Variants in ATP8A2 observed in about 807,000 individuals in gnomAD.
ATP8A2 encodes the protein ATPase phospholipid transporting 8A2.
In ATP8A2, 100 loss-of-function variants were observed where a neutral mutation model predicts 165.6. The ratio of observed to expected loss-of-function variants is 0.60; its 90% CI spans 0.51 to 0.71. The LOEUF is 0.71. Ranked by LOEUF, ATP8A2 falls within the 30% of genes least tolerant of loss-of-function variation. The pLI is 0.00. For synonymous variants in ATP8A2, 543 were observed against 548.8 expected (o/e 0.99, Z 0.15); for missense variants, 1,227 against 1,479.5 (o/e 0.83, Z 2.80).
chr13:25,529,348 G>C (rs17795369), intron 2 of ATP8A2, among the ~76,000 whole-genome samples: 18,320 of 152,120 alleles, frequency 0.12, 1,336 homozygotes, highest in Non-Finnish European at 0.18. Flanking sequence ...CATTCTTGTC[G>C]TTCCCATAAT....
intron 2 of ATP8A2, among the ~76,000 whole-genome samples, chr13:25,477,069 C>T (rs2036015886): frequency 6.6e-6 from 1 of 152,066 alleles, no homozygotes; most frequent in Admixed American, 6.6e-5. Context: ...AGCATTGGGC[C>T]AGTTTTATAT....
intron 24 of ATP8A2, among the ~76,000 whole-genome samples, chr13:25,634,185 C>T (rs920652921): frequency 2.6e-5 from 4 of 152,068 alleles, no homozygotes; most frequent in Admixed American, 1.3e-4. Flanking sequence ...TCTCTACTTC[C>T]GGTTAACAGC....
intron 24 of ATP8A2, among the ~76,000 whole-genome samples, chr13:25,616,265 C>T (rs576873903): frequency 1.1e-4 from 17 of 151,564 alleles, no homozygotes; most frequent in Middle Eastern, 3.2e-3. Flanking sequence ...TGCATAAATA[C>T]GAATCTTTTC....
At chr13:25,840,815 G>A (rs1480625139) in intron 30 of ATP8A2, among the ~76,000 whole-genome samples, 1 of 151,984 alleles carries the variant, frequency 6.6e-6, no homozygotes, top group Non-Finnish European at 1.5e-5. Context: ...ATTAGTGATG[G>A]GAAATGGTAT....
chr13:25,834,745 G>C (rs2138634287), intron 28 of ATP8A2, among the ~76,000 whole-genome samples: 1 of 152,300 alleles, frequency 6.6e-6, no homozygotes. Context: ...TGCAATCATA[G>C]CTCACTGCAG....
At position 25,490,131 on chromosome 13, in the gene ATP8A2, C is replaced by G. The variant is rs1047463607; in HGVS notation, c.221+21010C>G. Reference sequence around the variant, plus strand: ...TGAGTAAGGGAAGTGTAGTAGAGAACACACATGTTGAATGATCCATTTCCA... The same window carrying G: ...TGAGTAAGGGAAGTGTAGTAGAGAAGACACATGTTGAATGATCCATTTCCA... On this transcript the variant is annotated intron_variant, in intron 2 of 36. Transcript: ENST00000381655. Among the ~76,000 whole-genome samples, 3 of 152,212 alleles carry G rather than the reference C, an allele frequency of 2.0e-5. No homozygotes were observed. The East Asian group carries it at 5.8e-4, about 29-fold the overall frequency.
At chr13:25,929,642 T>C (rs1954708325) in intron 33 of ATP8A2, among the ~76,000 whole-genome samples, 2 of 152,126 alleles carry the variant, frequency 1.3e-5, no homozygotes, top group Non-Finnish European at 2.9e-5. Context: ...GAGGATCCCT[T>C]GAGCCCAGGA....
At chr13:25,610,308 G>C (rs138401624) in intron 24 of ATP8A2, among the ~76,000 whole-genome samples, 2,561 of 152,142 alleles carry the variant, frequency 0.017, 62 homozygotes, top group African/African-American at 0.058. Context: ...GACAGATAAG[G>C]ATCTGGTTTC....
chr13:25,847,459 T>A lies in ATP8A2; in HGVS notation c.2956+7835T>A, dbSNP rs975586348. On this transcript the variant is annotated intron_variant, in intron 30 of 36. Coordinates refer to ENST00000381655, the MANE Select transcript of ATP8A2 (RefSeq NM_016529.6). ...TGGAAGGGCCATTGTTTTCATTCAG[T>A]TAAATATTTCTTATGTTTCAATGTC... 4.7e-4 allele frequency among the ~76,000 whole-genome samples: 71 copies of A among 152,204 alleles called. 1 individual carries two copies. Among genetic ancestry groups the A allele is most frequent in the Non-Finnish European group, 2.4e-4 (16 of 68,042 alleles).
At chr13:25,857,851 G>A (rs1386121117) in intron 30 of ATP8A2, among the ~76,000 whole-genome samples, 3 of 152,116 alleles carry the variant, frequency 2.0e-5, no homozygotes, top group Non-Finnish European at 4.4e-5. Context: ...GATTACAGGT[G>A]TGAGCCGCCG....
intron 3 of ATP8A2, 49 bp from the exon 4 acceptor site, chr13:25,530,513 G>C (rs935447002): frequency 3.0e-5 from 33 of 1,095,424 alleles, no homozygotes; most frequent in Non-Finnish European, 4.2e-5. Flanking sequence ...TGTTCATGGA[G>C]AGGATTTTTA....
At chr13:25,539,580 T>G (rs2038404446) in intron 7 of ATP8A2, among the ~76,000 whole-genome samples, 2 of 152,110 alleles carry the variant, frequency 1.3e-5, no homozygotes. Context: ...CTTTTGTACA[T>G]GACAAGATTG....
chr13:25,950,018 TC>T (rs1343734187), intron 33 of ATP8A2, among the ~76,000 whole-genome samples: 1 of 152,152 alleles, frequency 6.6e-6, no homozygotes, highest in Non-Finnish European at 1.5e-5. Context: ...CAGGCTGATC[TC>T]GAACTCTTGA....
intron 2 of ATP8A2, among the ~76,000 whole-genome samples, chr13:25,480,902 C>T (rs961023941): frequency 1.3e-5 from 2 of 151,994 alleles, no homozygotes; most frequent in Non-Finnish European, 2.9e-5. Flanking sequence ...GTCTGCAATC[C>T]TGGCACCTCC....
chr13:25,513,326 T>C (rs1313313939), intron 2 of ATP8A2, among the ~76,000 whole-genome samples: 43 of 142,426 alleles, frequency 3.0e-4, no homozygotes, highest in African/African-American at 1.0e-3. Flanking sequence ...GACGGGGCGG[T>C]GGGGCAGAGG....
chr13:25,698,598 C>T (rs897370899), intron 24 of ATP8A2, among the ~76,000 whole-genome samples: 4 of 151,894 alleles, frequency 2.6e-5, no homozygotes, highest in African/African-American at 9.7e-5. Flanking sequence ...GGACATTACA[C>T]CAAGATGCTT....
chr13:25,374,550 CA>C (rs1566087409), intron 1 of ATP8A2, among the ~76,000 whole-genome samples: 3 of 152,020 alleles, frequency 2.0e-5, no homozygotes, highest in South Asian at 2.1e-4. Context: ...TTTTAGGGAG[CA>C]GGGGGGAAGG....
At chr13:25,628,920 C>T (rs374224184) in intron 24 of ATP8A2, among the ~76,000 whole-genome samples, 1 of 152,138 alleles carries the variant, frequency 6.6e-6, no homozygotes, top group African/African-American at 2.4e-5. Context: ...TAACATTGCC[C>T]CTTCTTTCCT....
intron 33 of ATP8A2, among the ~76,000 whole-genome samples, chr13:25,886,758 C>G (rs1953172467): frequency 6.6e-6 from 1 of 152,142 alleles, no homozygotes. Context: ...AGGGCCTTCT[C>G]CAGAGGGAGC....
Sources: gnomAD v4.1 joint callset for allele counts (sites outside exome capture counted in the v4.1 genomes callset) on GRCh38, gnomAD v4.1.1 for gene constraint, MANE v1.5 for transcripts, NCBI Gene and HGNC (gene_info 2026-07-23, HGNC 2026-07-21) for gene names.